The following CNTNAP2 variants were observed in gnomAD, a reference collection of about 807,000 sequenced individuals.
CNTNAP2 encodes the protein contactin-associated protein-like 2.
CNTNAP2 carries 98 observed loss-of-function variants against 155.2 expected under a neutral mutation model. The ratio of observed to expected loss-of-function variants is 0.63; its 90% CI spans 0.54 to 0.75. The LOEUF is 0.75. Ranked by LOEUF, CNTNAP2 falls within the 30% of genes least tolerant of loss-of-function variation. The probability of loss-of-function intolerance (pLI) is 0.00; values close to 1 mark genes in which losing one functional copy is unlikely to be tolerated. For synonymous variants in CNTNAP2, 651 were observed against 631.2 expected (o/e 1.03, Z -0.47); for missense variants, 1,727 against 1,688.1 (o/e 1.02, Z -0.40).
At chr7:146,752,927 G>A (rs940048344) in intron 1 of CNTNAP2, among the ~76,000 whole-genome samples, 1 of 152,102 alleles carries the variant, frequency 6.6e-6, no homozygotes, top group Non-Finnish European at 1.5e-5. Context: ...GATGTTAAAG[G>A]TTGAACCTTA....
At position 148,301,060 on chromosome 7, in the gene CNTNAP2, C is replaced by T. The variant is rs1021134377; in HGVS notation, c.3475+33934C>T. ...CCTGTAATCCCAGCACTTTGGGAGG[C>T]CGAGGTGGGTGGATCACGAGGTCAG... is the stretch of plus-strand genomic sequence containing the variant. On this transcript the variant is annotated intron_variant, in intron 21 of 23. Coordinates refer to ENST00000361727, the MANE Select transcript of CNTNAP2 (RefSeq NM_014141.6). Among the ~76,000 whole-genome samples, 9 of 151,892 alleles carry T rather than the reference C, an allele frequency of 5.9e-5. 1 individual carries two copies. The highest frequency in any genetic ancestry group is 2.2e-4 in the African/African-American group (9 of 41,334).
intron 3 of CNTNAP2, among the ~76,000 whole-genome samples, chr7:146,932,105 G>C (rs1796773551): frequency 6.6e-6 from 1 of 151,948 alleles, no homozygotes; most frequent in Non-Finnish European, 1.5e-5. Context: ...GCATCATCCT[G>C]ATACCAAAGC....
chr7:146,894,931 G>T (rs1232550093), intron 3 of CNTNAP2, among the ~76,000 whole-genome samples: 1 of 152,036 alleles, frequency 6.6e-6, no homozygotes. Flanking sequence ...CCTCAATGCT[G>T]GCCTTCATAA....
At chr7:146,575,361 C>T (rs911235093) in intron 1 of CNTNAP2, among the ~76,000 whole-genome samples, 6 of 152,100 alleles carry the variant, frequency 3.9e-5, no homozygotes, top group African/African-American at 9.7e-5. Flanking sequence ...GTGATCCACC[C>T]GCCTCAGCCT....
At chr7:146,342,173 T>A (rs1584878589) in intron 1 of CNTNAP2, among the ~76,000 whole-genome samples, 1 of 152,266 alleles carries the variant, frequency 6.6e-6, no homozygotes, top group Admixed American at 6.5e-5. Flanking sequence ...AGAATGAGTG[T>A]TCCTGTGGAA....
At chr7:146,391,202 T>C (rs1042249577) in intron 1 of CNTNAP2, among the ~76,000 whole-genome samples, 1 of 151,022 alleles carries the variant, frequency 6.6e-6, no homozygotes, top group Non-Finnish European at 1.5e-5. Context: ...GTAAATGTGA[T>C]GCCTGCTTCT....
chr7:147,336,967 C>A (rs1267499614), intron 9 of CNTNAP2, among the ~76,000 whole-genome samples: 1 of 152,040 alleles, frequency 6.6e-6, no homozygotes, highest in Admixed American at 6.6e-5. Context: ...AGTTATGTCC[C>A]CCACCAGCTT....
intron 10 of CNTNAP2, among the ~76,000 whole-genome samples, chr7:147,427,244 C>T (rs1006710013): frequency 8.5e-5 from 13 of 152,066 alleles, no homozygotes; most frequent in Non-Finnish European, 1.6e-4. Flanking sequence ...TAATCACTTC[C>T]CAAAAGTCAC....
intron 1 of CNTNAP2, among the ~76,000 whole-genome samples, chr7:146,509,485 G>T (rs895136764): frequency 6.6e-6 from 1 of 152,136 alleles, no homozygotes; most frequent in African/African-American, 2.4e-5. Context: ...ACTCCGTTGG[G>T]GTATAGGCAG....
At chr7:147,081,568 C>A (rs1043295906) in intron 4 of CNTNAP2, 7 of 150,344 alleles carry the variant, frequency 4.7e-5, no homozygotes, top group Non-Finnish European at 7.3e-5. Flanking sequence ...AGGCGCACCA[C>A]CACACCCGGC....
At chr7:146,802,351 T>C (rs1478783056) in intron 2 of CNTNAP2, among the ~76,000 whole-genome samples, 2 of 152,224 alleles carry the variant, frequency 1.3e-5, no homozygotes, top group African/African-American at 2.4e-5. Context: ...CCTGTCTTGA[T>C]TTCAGTCTTT....
intron 13 of CNTNAP2, among the ~76,000 whole-genome samples, chr7:147,708,384 G>A (rs1440108931): frequency 6.6e-6 from 1 of 152,132 alleles, no homozygotes; most frequent in East Asian, 1.9e-4. Flanking sequence ...ATTGGCTGCA[G>A]GTGAGGAATG....
intron 14 of CNTNAP2, among the ~76,000 whole-genome samples, chr7:147,949,460 T>TATATATATATATATATATATATATATATA (rs60849459): frequency 2.0e-4 from 18 of 92,088 alleles, no homozygotes; most frequent in Non-Finnish European, 5.2e-4. Flanking sequence ...ATATATATAT[T>TATATATATATATATATATATATATATATA]TTTTTTTTTT....
intron 16 of CNTNAP2, among the ~76,000 whole-genome samples, chr7:148,123,106 A>T (rs188758602): frequency 5.4e-4 from 83 of 152,308 alleles, no homozygotes; most frequent in African/African-American, 1.9e-3. Flanking sequence ...GGACACATCT[A>T]GAGGATGCTG....
At chr7:147,133,994 A>T (rs1157795059) in intron 8 of CNTNAP2, among the ~76,000 whole-genome samples, 7 of 152,092 alleles carry the variant, frequency 4.6e-5, no homozygotes, top group Non-Finnish European at 1.0e-4. Context: ...CCAGAAAAAC[A>T]GATAAAACAA....
intron 3 of CNTNAP2, among the ~76,000 whole-genome samples, chr7:146,918,183 T>G (rs906221238): frequency 1.3e-5 from 2 of 152,158 alleles, no homozygotes; most frequent in Non-Finnish European, 2.9e-5. Context: ...ACATTCAATA[T>G]TAGTATTGAG....
intron 11 of CNTNAP2, among the ~76,000 whole-genome samples, chr7:147,539,323 C>T (rs1439296374): frequency 6.6e-6 from 1 of 152,080 alleles, no homozygotes; most frequent in African/African-American, 2.4e-5. Context: ...CTATGAGATA[C>T]ATTATAGTGC....
intron 11 of CNTNAP2, among the ~76,000 whole-genome samples, chr7:147,498,785 G>C (rs187624102): frequency 6.4e-4 from 97 of 151,998 alleles, no homozygotes; most frequent in African/African-American, 2.3e-3. Context: ...ATTCAAAGTG[G>C]TAGTTTTTTT....
In CNTNAP2 at chr7:148,119,787, A is replaced by C. The variant is rs564147928; in HGVS notation, c.2554+1499A>C. On this transcript the variant is annotated intron_variant, in intron 16 of 23. Coordinates refer to ENST00000361727, the MANE Select transcript of CNTNAP2 (RefSeq NM_014141.6). Reference sequence around the variant, plus strand: ...TGATGAGAATAGAATTTAAATACTCATAAGGCATTTATTTTGGTATCTAGT... The same window carrying C: ...TGATGAGAATAGAATTTAAATACTCCTAAGGCATTTATTTTGGTATCTAGT... Among the ~76,000 whole-genome samples, 7 of 152,280 alleles carry C rather than the reference A, an allele frequency of 4.6e-5. No homozygotes were observed. The East Asian group carries it at 1.4e-3, about 29-fold the overall frequency.
Sources: gnomAD v4.1 joint callset for allele counts (sites outside exome capture counted in the v4.1 genomes callset) on GRCh38, gnomAD v4.1.1 for gene constraint, MANE v1.5 for transcripts, NCBI Gene and HGNC (gene_info 2026-07-23, HGNC 2026-07-21) for gene names.